The following SYNPR variants were observed in gnomAD, a reference collection of about 807,000 sequenced individuals.
SYNPR encodes synaptoporin.
Under a neutral mutation model 32.9 loss-of-function variants are expected in SYNPR, and 23 were observed. The observed-to-expected ratio is 0.70, with a 90% CI of 0.50 to 0.99. The LOEUF (loss-of-function observed/expected upper bound fraction) is 0.99. Among genes scored for constraint, SYNPR ranks in the 50% least tolerant of loss-of-function variants. The pLI, the probability that SYNPR is intolerant of heterozygous loss-of-function variation, is 0.00. For synonymous variants in SYNPR, 146 were observed against 135.9 expected (o/e 1.07, Z -0.52); for missense variants, 318 against 349.3 (o/e 0.91, Z 0.71).
intron 2 of SYNPR, among the ~76,000 whole-genome samples, chr3:63,352,333 C>A (rs1380761998): frequency 6.6e-6 from 1 of 152,108 alleles, no homozygotes; most frequent in Admixed American, 6.5e-5. Flanking sequence ...TCCTGAGGAG[C>A]TTTTCAAACC....
chr3:63,389,448 C>A (rs1049798110), intron 2 of SYNPR, among the ~76,000 whole-genome samples: 10 of 152,150 alleles, frequency 6.6e-5, no homozygotes, highest in Non-Finnish European at 1.5e-4. Flanking sequence ...CAGTTCTGAG[C>A]AGAAAGGTGT....
Position 63,611,612 on chromosome 3 carries a change from C to G in SYNPR, c.600+2296C>G, listed in dbSNP as rs6774680. 6.8e-3 allele frequency among the ~76,000 whole-genome samples: 1,037 copies of G among 152,316 alleles called. 8 individuals are homozygous for G. Among genetic ancestry groups the G allele is most frequent in the African/African-American group, 0.024 (983 of 41,560 alleles). On this transcript the variant is annotated intron_variant, in intron 5 of 5. Transcript: ENST00000478300. ...AGTTCTCATCCTCCATCTCTCATCT[C>G]TCTTTCTTTCTGTGTCCCTGTCCCT...
intron 2 of SYNPR, among the ~76,000 whole-genome samples, chr3:63,294,986 A>T (rs2086779769): frequency 6.6e-6 from 1 of 152,144 alleles, no homozygotes; most frequent in South Asian, 2.1e-4. Context: ...GGCAGAATAG[A>T]TAGAGTGTTA....
At chr3:63,474,004 T>G (rs982544563) in intron 2 of SYNPR, among the ~76,000 whole-genome samples, 1 of 152,110 alleles carries the variant, frequency 6.6e-6, no homozygotes, top group Non-Finnish European at 1.5e-5. Context: ...TTCAATAAGT[T>G]TATTTGGGGA....
intron 2 of SYNPR, among the ~76,000 whole-genome samples, chr3:63,441,851 G>C (rs567552801): frequency 6.6e-6 from 1 of 152,314 alleles, no homozygotes; most frequent in African/African-American, 2.4e-5. Context: ...CCAGTTTGCA[G>C]GTGTGTAGTG....
rs188673053 is a variant in SYNPR, at chr3:63,382,958, T to G, written c.85-97874T>G. Among the ~76,000 whole-genome samples, 600 of 148,234 alleles carry G rather than the reference T, an allele frequency of 4.0e-3. 22 individuals are homozygous for G. Among genetic ancestry groups the G allele is most frequent in the Admixed American group, 0.036 (547 of 15,006 alleles). Reference sequence around the variant, plus strand: ...ACTTAATACATTATTCTATCTCCTCTGTTACTACAATCTGCTCATTAGAAC... The same window carrying G: ...ACTTAATACATTATTCTATCTCCTCGGTTACTACAATCTGCTCATTAGAAC... On this transcript the variant is annotated intron_variant, in intron 2 of 5. Coordinates refer to ENST00000478300, the MANE Select transcript of SYNPR (RefSeq NM_001130003.2).
At chr3:63,253,243 A>T (rs1234567604) in intron 2 of SYNPR, among the ~76,000 whole-genome samples, 1 of 152,092 alleles carries the variant, frequency 6.6e-6, no homozygotes, top group Non-Finnish European at 1.5e-5. Context: ...AAGTATGGTA[A>T]ATAAGAAAGT....
the SYNPR span, among the ~76,000 whole-genome samples, chr3:63,219,661 C>T: frequency 6.6e-6 from 1 of 151,676 alleles, no homozygotes; most frequent in Non-Finnish European, 1.5e-5. Context: ...ACTGTATTAT[C>T]GCAATAAAGT....
chr3:63,455,756 G>GGT (rs370244005), intron 2 of SYNPR, among the ~76,000 whole-genome samples: 6,760 of 144,304 alleles, frequency 0.047, 205 homozygotes, highest in East Asian at 0.13. Flanking sequence ...TCATGTTTGG[G>GGT]GTGTGTGTGT....
intron 3 of SYNPR, among the ~76,000 whole-genome samples, chr3:63,485,355 A>G (rs1304974209): frequency 8.5e-5 from 13 of 152,244 alleles, no homozygotes; most frequent in African/African-American, 3.1e-4. Context: ...TTTAAAGTAA[A>G]ATAAATAAAA....
chr3:63,259,503 G>T (rs1005158516), intron 2 of SYNPR, among the ~76,000 whole-genome samples: 3 of 152,076 alleles, frequency 2.0e-5, no homozygotes, highest in African/African-American at 7.2e-5. Context: ...TGCAGAAAAG[G>T]CCTTTGACAA....
chr3:63,416,945 C>T (rs879265744), intron 2 of SYNPR, among the ~76,000 whole-genome samples: 6 of 152,150 alleles, frequency 3.9e-5, no homozygotes, highest in Non-Finnish European at 8.8e-5. Flanking sequence ...TCTAATTCCA[C>T]TCCTGGCCTC....
intron 3 of SYNPR, among the ~76,000 whole-genome samples, chr3:63,489,653 C>G (rs1701221069): frequency 6.6e-6 from 1 of 152,004 alleles, no homozygotes; most frequent in African/African-American, 2.4e-5. Context: ...GCTTCCCTCA[C>G]AAAATTTACA....
the SYNPR span, among the ~76,000 whole-genome samples, chr3:63,210,613 C>A: frequency 2.6e-5 from 4 of 152,096 alleles, no homozygotes; most frequent in African/African-American, 7.2e-5. Context: ...TTTTGATGCT[C>A]CTGTCCAGAA....
rs556411695 is a variant in SYNPR at position 63,354,144 on chromosome 3, T to C, written c.84+75402T>C. ...CTTATAGAGTACATTCATTAGTGAT[T>C]ACCACAAAATGCTGCATAACAAGCC... On this transcript the variant is annotated intron_variant, in intron 2 of 5. Coordinates refer to ENST00000478300, the MANE Select transcript of SYNPR (RefSeq NM_001130003.2). Among the ~76,000 whole-genome samples, 4 of 152,326 alleles carry C rather than the reference T, an allele frequency of 2.6e-5. No individual in the cohort carries two copies. The South Asian group carries it at 8.3e-4, about 32-fold the overall frequency.
In SYNPR at chr3:63,592,170, G is replaced by A. The variant is rs114161632; in HGVS notation, c.409-16955G>A. On this transcript the variant is annotated intron_variant, in intron 4 of 5. Coordinates refer to ENST00000478300, the MANE Select transcript of SYNPR (RefSeq NM_001130003.2). ...CATCTATAAACCAAGCCATGCCAAG[G>A]ACTGCCAGTAGAAACTGGGAGAGGA... Among the ~76,000 whole-genome samples the A allele has an allele frequency of 4.1e-3, 627 of 152,192 alleles. 4 individuals carry two copies. The highest frequency in any genetic ancestry group is 0.014 in the African/African-American group (597 of 41,548).
At chr3:63,483,821 A>G (rs1000211680) in intron 3 of SYNPR, among the ~76,000 whole-genome samples, 3 of 152,216 alleles carry the variant, frequency 2.0e-5, no homozygotes, top group Admixed American at 6.5e-5. Context: ...TTATAAAAGC[A>G]TTGCTTATGC....
At chr3:63,461,266 T>A (rs80100129) in intron 2 of SYNPR, among the ~76,000 whole-genome samples, 4 of 152,068 alleles carry the variant, frequency 2.6e-5, no homozygotes, top group African/African-American at 7.2e-5. Flanking sequence ...CATTAAGAAA[T>A]GAGAACATTA....
At chr3:63,298,466 A>G (rs1189787250) in intron 2 of SYNPR, among the ~76,000 whole-genome samples, 1 of 45,194 alleles carries the variant, frequency 2.2e-5, no homozygotes, top group Non-Finnish European at 4.7e-5. Context: ...GCGTGATGTA[A>G]TAGGGAATGA....
Sources: allele counts gnomAD v4.1 joint callset (sites outside exome capture counted in the v4.1 genomes callset), GRCh38; gene constraint gnomAD v4.1.1; transcripts MANE v1.5; gene names NCBI Gene and HGNC (gene_info 2026-07-23, HGNC 2026-07-21).